The following GBE1 variants were observed in gnomAD, a reference collection of about 807,000 sequenced individuals.
GBE1 encodes 1,4-alpha-glucan-branching enzyme.
A neutral mutation model predicts 88.8 loss-of-function variants in GBE1; 70 were observed. The ratio of observed to expected loss-of-function variants is 0.79; its 90% CI spans 0.65 to 0.96. The LOEUF is 0.96. Among genes scored for constraint, GBE1 ranks in the 40% least tolerant of loss-of-function variants. The pLI, the probability that GBE1 is intolerant of heterozygous loss-of-function variation, is 0.00. For synonymous variants in GBE1, 284 were observed against 300.1 expected, an observed-to-expected ratio of 0.95 and a Z score of 0.56; for missense variants, 872 against 871.0, an observed-to-expected ratio of 1.00 and a Z score of -0.01.
chr3:81,750,535 A>ATG (rs1553696525), intron 1 of GBE1, among the ~76,000 whole-genome samples: 1 of 75,786 alleles, frequency 1.3e-5, no homozygotes, highest in African/African-American at 9.1e-5. Context: ...ATATATATAT[A>ATG]TACGTATATA....
At chr3:81,544,561 T>A (rs1295219755) in intron 12 of GBE1, among the ~76,000 whole-genome samples, 2 of 152,146 alleles carry the variant, frequency 1.3e-5, no homozygotes, top group African/African-American at 4.8e-5. Context: ...ATGAGAAATC[T>A]GAAAACTTTG....
chr3:81,695,666 AAAATATTAG>A (rs750383088), intron 2 of GBE1, among the ~76,000 whole-genome samples: 4 of 152,236 alleles, frequency 2.6e-5, no homozygotes, highest in Non-Finnish European at 5.9e-5. Context: ...CTCAACTTTT[AAAATATTAG>A]AATGAAAAAG....
intron 7 of GBE1, chr3:81,612,272 T>C (rs903604863): frequency 2.9e-6 from 2 of 695,850 alleles, no homozygotes; most frequent in African/African-American, 1.9e-5. Context: ...TTCCTCATGT[T>C]GCCTCTTCCT....
In GBE1 at chr3:81,754,973, T is replaced by C. The variant is rs200286911; in HGVS notation, c.143+6402A>G. Among the ~76,000 whole-genome samples, 5 of 151,910 alleles carry C rather than the reference T, an allele frequency of 3.3e-5. No homozygotes were observed. In the East Asian group the frequency reaches 9.6e-4, roughly 29 times the overall value. ...TAGGCTATCAAAGCAAAAATAGACA[T>C]CAGAGTATAAATCAAGCTAAAAAGC... On this transcript the variant is annotated intron_variant, in intron 1 of 15. Transcript: ENST00000429644.
At chr3:81,490,734 C>T (rs1415656205) in intron 15 of GBE1, among the ~76,000 whole-genome samples, 1 of 152,042 alleles carries the variant, frequency 6.6e-6, no homozygotes, top group Non-Finnish European at 1.5e-5. Flanking sequence ...GGCCCTGTTA[C>T]TGCCATGTTG....
At chr3:81,565,836 T>A (rs570689081) in intron 12 of GBE1, among the ~76,000 whole-genome samples, 1 of 152,286 alleles carries the variant, frequency 6.6e-6, no homozygotes, top group East Asian at 1.9e-4. Context: ...CAAAAAATAC[T>A]TTGTTCTCTA....
intron 7 of GBE1, 119 bp downstream of exon 7, chr3:81,642,662 T>C (rs1704702271): frequency 4.4e-6 from 3 of 675,854 alleles, no homozygotes; most frequent in East Asian, 2.7e-5. Flanking sequence ...CAAAAATAAA[T>C]CCAATTAAGA....
chr3:81,666,301 G>C (rs1705113279), intron 3 of GBE1, among the ~76,000 whole-genome samples: 1 of 152,096 alleles, frequency 6.6e-6, no homozygotes. Flanking sequence ...TGGAGGGCCA[G>C]GCCATTAATG....
chr3:81,556,607 A>G (rs1703351913), intron 12 of GBE1, among the ~76,000 whole-genome samples: 1 of 152,102 alleles, frequency 6.6e-6, no homozygotes, highest in Non-Finnish European at 1.5e-5. Context: ...ATACATACTT[A>G]CTTTAATGTT....
intron 12 of GBE1, among the ~76,000 whole-genome samples, chr3:81,559,605 C>T (rs1273075939): frequency 6.6e-6 from 1 of 151,840 alleles, no homozygotes; most frequent in Non-Finnish European, 1.5e-5. Context: ...TCAATTTTTG[C>T]CCCTATTGGG....
chr3:81,614,546 T>C (rs1704223889), intron 7 of GBE1, among the ~76,000 whole-genome samples: 1 of 151,938 alleles, frequency 6.6e-6, no homozygotes. Context: ...GCCCAGGAAT[T>C]TGAGACTTCT....
intron 12 of GBE1, among the ~76,000 whole-genome samples, chr3:81,549,948 G>T (rs1029897303): frequency 1.3e-5 from 2 of 151,114 alleles, no homozygotes; most frequent in African/African-American, 2.4e-5. Context: ...CTGCAATTTA[G>T]GCTGACCCTG....
chr3:81,672,713 A>T, intron 2 of GBE1, among the ~76,000 whole-genome samples: 1 of 151,948 alleles, frequency 6.6e-6, no homozygotes, highest in East Asian at 1.9e-4. Flanking sequence ...GTATACACAT[A>T]GATGTTTATT....
intron 14 of GBE1, among the ~76,000 whole-genome samples, chr3:81,516,378 A>G: frequency 6.6e-6 from 1 of 151,578 alleles, no homozygotes; most frequent in East Asian, 1.9e-4. Flanking sequence ...TGGTTTACTG[A>G]GCCTGTAAGC....
intron 7 of GBE1, among the ~76,000 whole-genome samples, chr3:81,633,370 A>G (rs947669496): frequency 3.3e-5 from 5 of 152,172 alleles, no homozygotes; most frequent in Non-Finnish European, 7.3e-5. Flanking sequence ...TAAACTTAGA[A>G]AGATTAACCT....
At chr3:81,709,831 C>A (rs1576208384) in intron 1 of GBE1, among the ~76,000 whole-genome samples, 1 of 152,120 alleles carries the variant, frequency 6.6e-6, no homozygotes, top group African/African-American at 2.4e-5. Flanking sequence ...CCTGAGGATA[C>A]AGCAAGCTCA....
At chr3:81,550,729 C>T (rs543444068) in intron 12 of GBE1, among the ~76,000 whole-genome samples, 1 of 152,222 alleles carries the variant, frequency 6.6e-6, no homozygotes, top group South Asian at 2.1e-4. Flanking sequence ...ATACGCCCAC[C>T]ATCACCATGA....
In GBE1 at chr3:81,612,261, G is replaced by T. The variant is rs147094634; in HGVS notation, c.993-18238C>A. The stretch of plus-strand genomic sequence containing the variant: ...AAAAAAAACTTAAAGAAGCTCTCTG[G>T]TTCCTCATGTTGCCTCTTCCTGCTG... On this transcript the variant is annotated intron_variant, in intron 7 of 15. Coordinates refer to ENST00000429644, the MANE Select transcript of GBE1 (RefSeq NM_000158.4). 779 of 554,530 alleles carry T rather than the reference G, an allele frequency of 1.4e-3. 5 individuals are homozygous for T. The African/African-American group carries it at 0.015, about 11-fold the overall frequency. 34.4% of individuals were successfully genotyped at this position (554,530 alleles called of 1,614,324 possible).
chr3:81,673,675 G>C (rs1486018124), intron 2 of GBE1, among the ~76,000 whole-genome samples: 1 of 151,738 alleles, frequency 6.6e-6, no homozygotes, highest in African/African-American at 2.4e-5. Flanking sequence ...ATTAATATTT[G>C]ATAAAGAAAA....
Sources: gnomAD v4.1 joint callset for allele counts (sites outside exome capture counted in the v4.1 genomes callset) on GRCh38, gnomAD v4.1.1 for gene constraint, MANE v1.5 for transcripts, NCBI Gene and HGNC (gene_info 2026-07-23, HGNC 2026-07-21) for gene names.